The following MGST1 variants were observed in gnomAD, a reference collection of about 807,000 sequenced individuals.
MGST1 encodes the protein glutathione S-transferase 12.
A neutral mutation model predicts 8.9 loss-of-function variants in MGST1; 5 were observed. That is an observed-to-expected ratio of 0.56 (90% CI 0.29 to 1.19). The LOEUF (loss-of-function observed/expected upper bound fraction) is 1.19, where lower values mean the gene tolerates loss of function less well. Ranked by LOEUF, MGST1 falls within the 50% of genes most tolerant of loss-of-function variation. MGST1 has a pLI of 0.08. For synonymous variants in MGST1, 54 were observed against 67.8 expected (o/e 0.80, Z 1.00); for missense variants, 182 against 187.4 (o/e 0.97, Z 0.17).
downstream of MGST1, among the ~76,000 whole-genome samples, chr12:16,377,949 G>C (rs1203008154): frequency 6.6e-6 from 1 of 151,570 alleles, no homozygotes; most frequent in African/African-American, 2.4e-5. Flanking sequence ...GTCTTCTTTT[G>C]AGAAGTGTCT....
At chr12:16,399,274 G>A in intron 1 of MGST1, 2 of 1,604,522 alleles carry the variant, frequency 1.2e-6, no homozygotes, top group South Asian at 1.1e-5. Flanking sequence ...AAGTTCAGAA[G>A]TTACTTCCTC....
At chr12:16,509,354 T>G (rs1442841427) in intron 4 of MGST1, among the ~76,000 whole-genome samples, 1 of 152,186 alleles carries the variant, frequency 6.6e-6, no homozygotes, top group East Asian at 1.9e-4. Flanking sequence ...TTTGCACATC[T>G]CTTCTACTAT....
At chr12:16,436,645 A>T (rs568249591) in intron 1 of MGST1, among the ~76,000 whole-genome samples, 7 of 152,160 alleles carry the variant, frequency 4.6e-5, no homozygotes, top group Admixed American at 6.6e-5. Flanking sequence ...GCTAACATTT[A>T]TGAGTTGCTG....
intron 1 of MGST1, among the ~76,000 whole-genome samples, chr12:16,404,455 T>A (rs1733423200): frequency 6.6e-6 from 1 of 152,094 alleles, no homozygotes; most frequent in Admixed American, 6.5e-5. Flanking sequence ...TATATTTGAA[T>A]TTATACCTAT....
chr12:16,545,563 C>G (rs900438879), intron 4 of MGST1, among the ~76,000 whole-genome samples: 19 of 152,048 alleles, frequency 1.2e-4, no homozygotes, highest in African/African-American at 4.3e-4. Context: ...GATTCTGAGA[C>G]TGTAGCCTCA....
intron 1 of MGST1, among the ~76,000 whole-genome samples, chr12:16,349,712 AAC>A (rs1332695805): frequency 2.0e-5 from 3 of 151,888 alleles, no homozygotes; most frequent in South Asian, 2.1e-4. Context: ...TTATTTACCA[AAC>A]ACACAGCATT....
intron 4 of MGST1, among the ~76,000 whole-genome samples, chr12:16,531,400 A>G (rs1941722289): frequency 6.6e-6 from 1 of 152,076 alleles, no homozygotes; most frequent in South Asian, 2.1e-4. Flanking sequence ...AGTGAAAACT[A>G]AAACAAGGGC....
intron 1 of MGST1, among the ~76,000 whole-genome samples, chr12:16,435,992 T>TACACAC (rs35784515): frequency 2.3e-3 from 337 of 149,372 alleles, no homozygotes; most frequent in East Asian, 0.013. Flanking sequence ...CTGCTGCAAA[T>TACACAC]ACACACACAC....
At chr12:16,395,238 C>G (rs751592968) in intron 1 of MGST1, among the ~76,000 whole-genome samples, 2 of 151,904 alleles carry the variant, frequency 1.3e-5, no homozygotes, top group African/African-American at 2.4e-5. Flanking sequence ...TTTCTCATCA[C>G]CATTTATTTA....
chr12:16,483,944 T>C (rs953436921), intron 4 of MGST1, among the ~76,000 whole-genome samples: 38 of 152,178 alleles, frequency 2.5e-4, no homozygotes, highest in Non-Finnish European at 5.4e-4. Context: ...AGCCATATTC[T>C]AGGCATAAAA....
chr12:16,419,214 C>G (rs1443630844), intron 1 of MGST1, among the ~76,000 whole-genome samples: 3 of 152,172 alleles, frequency 2.0e-5, no homozygotes, highest in Non-Finnish European at 4.4e-5. Flanking sequence ...TTGAGCCATT[C>G]CCTTTTCCAA....
intron 4 of MGST1, among the ~76,000 whole-genome samples, chr12:16,564,004 C>T (rs1040095339): frequency 2.6e-5 from 4 of 152,080 alleles, no homozygotes; most frequent in African/African-American, 7.2e-5. Context: ...TGACACACTT[C>T]CAAAAGTAGG....
chr12:16,579,280 T>C (rs1428045627), intron 4 of MGST1, among the ~76,000 whole-genome samples: 2 of 152,194 alleles, frequency 1.3e-5, no homozygotes, highest in Non-Finnish European at 1.5e-5. Context: ...ACAAGAATTG[T>C]CCAAATTTGT....
At chr12:16,400,214 G>A in intron 1 of MGST1, 1 of 902,382 alleles carries the variant, frequency 1.1e-6, no homozygotes, top group Non-Finnish European at 1.9e-6. Context: ...GTGTAGAACT[G>A]CACATCCATG....
At position 16,525,766 on chromosome 12, in the gene MGST1, T is replaced by G. The variant is rs200878898; in HGVS notation, n.483-63762T>G. ...CTAGTTTACAGTCCCACCAACAGTG[T>G]AAAAGTGTTCCTATTTCTCCACATC... On this transcript the variant is annotated intron_variant and non_coding_transcript_variant, in intron 4 of 4. Coordinates refer to the MGST1 transcript ENST00000538857. Among the ~76,000 whole-genome samples the G allele has an allele frequency of 2.8e-4, 42 of 150,716 alleles. No individual in the cohort carries two copies. In the East Asian group the frequency reaches 7.7e-3, roughly 28 times the overall value.
At chr12:16,442,708 G>A (rs1941048630), downstream of MGST1, among the ~76,000 whole-genome samples, 1 of 151,682 alleles carries the variant, frequency 6.6e-6, no homozygotes, top group African/African-American at 2.4e-5. This position sits in a 1 kb window ranked among gnomAD's most constrained non-coding sequence, Gnocchi z 4.5. Context: ...TTTATAATAA[G>A]TCTTGAAGTA....
chr12:16,451,634 T>C (rs1941130028), intron 4 of MGST1, among the ~76,000 whole-genome samples: 1 of 151,914 alleles, frequency 6.6e-6, no homozygotes, highest in Non-Finnish European at 1.5e-5. Context: ...CTTTAAACTA[T>C]ATGATATACA....
chr12:16,383,460 C>CT (rs1940476213), exon 1 of MGST1: 2 of 150,616 alleles, frequency 1.3e-5, no homozygotes, highest in East Asian at 1.9e-4. Context: ...CTTTTCTTTT[C>CT]TTTTTTCTTT....
intron 4 of MGST1, among the ~76,000 whole-genome samples, chr12:16,518,674 T>C (rs1941630479): frequency 6.6e-6 from 1 of 152,222 alleles, no homozygotes; most frequent in Non-Finnish European, 1.5e-5. Context: ...CTGGCCGTTA[T>C]CTGATCAGCT....
Sources: allele counts gnomAD v4.1 joint callset (sites outside exome capture counted in the v4.1 genomes callset), GRCh38; gene constraint gnomAD v4.1.1; non-coding constraint Gnocchi (gnomAD v3.1); transcripts MANE v1.5; gene names NCBI Gene and HGNC (gene_info 2026-07-23, HGNC 2026-07-21).